Variants in TCOF1 observed in about 807,000 individuals in gnomAD.
The protein encoded by TCOF1 is treacle ribosome biogenesis factor 1, also known as treacle protein.
In TCOF1, 33 loss-of-function variants were observed where a neutral mutation model predicts 149.0. The observed-to-expected ratio is 0.22, with a 90% CI of 0.17 to 0.30. The LOEUF (loss-of-function observed/expected upper bound fraction) is 0.30, where lower values mean the gene tolerates loss of function less well. TCOF1 is among the 10% of genes least tolerant of loss of function. TCOF1 has a pLI of 1.00. For synonymous variants in TCOF1, 789 were observed against 738.8 expected (o/e 1.07, Z -1.10); for missense variants, 1,728 against 1,840.7 (o/e 0.94, Z 1.12).
chr5:150,392,628 G>T, intron 21 of TCOF1, 77 bp from the exon 22 acceptor site: 1 of 1,457,732 alleles, frequency 6.9e-7, no homozygotes, highest in South Asian at 1.2e-5. Flanking sequence ...AGAGACCAGG[G>T]CCTTCCTGAA....
At chr5:150,375,248 G>A (rs1305118850) in intron 10 of TCOF1, 85 bp downstream of exon 10, 2 of 1,607,790 alleles carry the variant, frequency 1.2e-6, no homozygotes, top group African/African-American at 1.3e-5. Flanking sequence ...TGAACCTAGA[G>A]CCCTGTGCGG....
At chr5:150,367,807 T>C in intron 3 of TCOF1, 37 bp from the exon 4 acceptor site, 1 of 1,611,282 alleles carries the variant, frequency 6.2e-7, no homozygotes, top group South Asian at 1.1e-5. Flanking sequence ...TGAGAAAAGC[T>C]CATCTGGCTC....
At chr5:150,396,212 C>A in intron 23 of TCOF1, 70 bp from the exon 24 acceptor site, 1 of 1,557,532 alleles carries the variant, frequency 6.4e-7, no homozygotes. Context: ...GCACCCTCTT[C>A]GCTCTTAGGT....
At chr5:150,392,567 A>T in intron 21 of TCOF1, 138 bp from the exon 22 acceptor site, 2 of 790,738 alleles carry the variant, frequency 2.5e-6, no homozygotes, top group South Asian at 1.5e-5. Context: ...TTGAAGCAGT[A>T]GGAAGACTTG....
At chr5:150,369,226 C>T (rs575182666) in intron 5 of TCOF1, among the ~76,000 whole-genome samples, 1 of 152,328 alleles carries the variant, frequency 6.6e-6, no homozygotes, top group Admixed American at 6.5e-5. Context: ...GAGTAGACAT[C>T]TGTCTGGCCT....
rs201356832 is a variant in TCOF1, at chr5:150,396,337, A to G, written c.3840A>G (p.Lys1280=). 5.2e-5 allele frequency: 84 copies of G among 1,613,830 alleles called. No individual in the cohort carries two copies. Among genetic ancestry groups the G allele is most frequent in the Non-Finnish European group, 6.9e-5 (82 of 1,180,044 alleles). ...TTPQKSRKPK[K]GAGNPQASTL... is the part of the protein sequence containing the mutation. ...CTCAGAAGTCCCGGAAGCCCAAGAAAGGGGCTGGGAACCCCCAAGCCTCAA... is the reference window on the plus strand; with the variant it reads ...CTCAGAAGTCCCGGAAGCCCAAGAAGGGGGCTGGGAACCCCCAAGCCTCAA... The change falls in exon 24 of 27, where the codon AAA becomes AAG. Residue 1280 remains lysine, a synonymous_variant. Coordinates refer to ENST00000643257, the MANE Select transcript of TCOF1 (RefSeq NM_001371623.1).
intron 17 of TCOF1, chr5:150,383,670 A>G (rs1369235564): frequency 1.3e-6 from 2 of 1,486,608 alleles, no homozygotes; most frequent in Non-Finnish European, 1.8e-6. Context: ...CTCATGATTC[A>G]TAAGAGGCTG....
At chr5:150,372,908 C>T (rs907445080) in intron 7 of TCOF1, among the ~76,000 whole-genome samples, 2 of 152,150 alleles carry the variant, frequency 1.3e-5, no homozygotes, top group African/African-American at 4.8e-5. Flanking sequence ...GAAGGTCATT[C>T]CAGGCAGGGG....
chr5:150,364,821 A>C lies in TCOF1; in HGVS notation c.304+569A>C, dbSNP rs553797126. 5.9e-4 allele frequency: 92 copies of C among 155,010 alleles called. 1 individual carries two copies. The highest frequency in any genetic ancestry group is 2.1e-3 in the African/African-American group (89 of 41,564). 9.6% of individuals were successfully genotyped at this position (155,010 alleles called of 1,614,324 possible). A position where few individuals can be genotyped will look rare whatever the true frequency, so the allele number is the denominator to read the frequency against. On this transcript the variant is annotated intron_variant, in intron 3 of 26. Transcript: ENST00000643257. ...AACAGCAGCCATAACTCTACAGAGG[A>C]ATTGCTGTGTCTCCTTTGCATCGTA...
chr5:150,373,113 C>G (rs184949690), intron 7 of TCOF1, among the ~76,000 whole-genome samples: 1 of 152,234 alleles, frequency 6.6e-6, no homozygotes, highest in Non-Finnish European at 1.5e-5. Flanking sequence ...CAGAGTCTTG[C>G]TCTGTTGCCC....
chr5:150,375,676 A>T (rs749131931), intron 11 of TCOF1, 45 bp from the exon 12 acceptor site: 2 of 1,613,332 alleles, frequency 1.2e-6, no homozygotes, highest in Admixed American at 3.3e-5. Flanking sequence ...GTCTGCACAC[A>T]CCTACCCTGG....
chr5:150,366,398 G>A (rs1202157004), intron 3 of TCOF1, among the ~76,000 whole-genome samples: 1 of 152,158 alleles, frequency 6.6e-6, no homozygotes, highest in African/African-American at 2.4e-5. Context: ...ACATGCTGAA[G>A]TATTTGTGGG....
At chr5:150,392,660 G>A (rs1367712971) in intron 21 of TCOF1, 45 bp from the exon 22 acceptor site, 1 of 1,608,028 alleles carries the variant, frequency 6.2e-7, no homozygotes, top group Non-Finnish European at 8.5e-7. Flanking sequence ...TTCCCGGCTG[G>A]CAGGGGCCAC....
At chr5:150,373,776 C>T (rs1224571216) in intron 7 of TCOF1, among the ~76,000 whole-genome samples, 1 of 152,208 alleles carries the variant, frequency 6.6e-6, no homozygotes, top group Non-Finnish European at 1.5e-5. Context: ...ACAGCCCAGT[C>T]TGATGATGCT....
rs766045995 is a variant in TCOF1, at chr5:150,368,722, A to T, written c.385A>T (p.Thr129Ser). The T allele has an allele frequency of 6.2e-7, 1 of 1,614,006 alleles. No individual in the cohort carries two copies. Among genetic ancestry groups the T allele is most frequent in the South Asian group, 1.1e-5 (1 of 91,080 alleles). The change falls in exon 5 of 27, where the codon ACA (threonine) becomes TCA (serine). Residue 129 changes from threonine (T) to serine (S), a missense_variant. This residue lies in a region of TCOF1 where 1,696 missense variants were observed against 1,765.4 expected (regional missense o/e 0.96). Coordinates refer to ENST00000643257, the MANE Select transcript of TCOF1 (RefSeq NM_001371623.1). Reference protein sequence around the residue: ...SSMKEKAKAETEKAGKTGNSM... With the variant: ...SSMKEKAKAESEKAGKTGNSM... ...TCACTCTTGTTCTCTGTAGGCAGAG[A>T]CAGAGAAAGCTGGCAAGACTGGGAA... is the stretch of plus-strand genomic sequence containing the variant.
rs752080448 is a variant in TCOF1, at chr5:150,398,355, A to G, written c.4347A>G (p.Arg1449=). 8 of 1,613,406 alleles carry G rather than the reference A, an allele frequency of 5.0e-6. No individual in the cohort carries two copies. In the South Asian group the frequency reaches 5.5e-5, roughly 11 times the overall value. Residue 1449 remains arginine (R), a splice_region_variant and synonymous_variant, in exon 25 of 27, where the codon AGA becomes AGG. Transcript: ENST00000643257. Reference sequence around the variant, plus strand: ...GGAACTTTACTTTACTTCCCTTAGGAAAAAAAGACAAAGAAAAAAAAGAAA... The same window carrying G: ...GGAACTTTACTTTACTTCCCTTAGGGAAAAAAGACAAAGAAAAAAAAGAAA... The part of the protein sequence containing the change: ...SKKEKKKSDK[R]KKDKEKKEKK...
At chr5:150,385,976 C>G (rs1766202224) in intron 17 of TCOF1, among the ~76,000 whole-genome samples, 1 of 151,926 alleles carries the variant, frequency 6.6e-6, no homozygotes, top group Non-Finnish European at 1.5e-5. Flanking sequence ...GCTGGGATAA[C>G]TACTAGCCGT....
intron 14 of TCOF1, among the ~76,000 whole-genome samples, chr5:150,377,403 C>T (rs1764052937): frequency 6.6e-6 from 1 of 152,200 alleles, no homozygotes; most frequent in African/African-American, 2.4e-5. Context: ...GTCACCCTGA[C>T]GATGGGCCAG....
intron 17 of TCOF1, chr5:150,383,915 G>T: frequency 6.6e-7 from 1 of 1,513,860 alleles, no homozygotes. Context: ...GCCCAAGTCA[G>T]CCATGCTGGT....
Sources: allele counts gnomAD v4.1 joint callset (sites outside exome capture counted in the v4.1 genomes callset), GRCh38; gene constraint gnomAD v4.1.1; regional missense constraint gnomAD v4.1.1; transcripts MANE v1.5; gene names NCBI Gene and HGNC (gene_info 2026-07-23, HGNC 2026-07-21).